The following NFIA variants were observed in gnomAD, a reference collection of about 807,000 sequenced individuals.
NFIA encodes nuclear factor 1 A-type.
A neutral mutation model predicts 62.8 loss-of-function variants in NFIA; 8 were observed. That is an observed-to-expected ratio of 0.13 (90% CI 0.07 to 0.23). NFIA has a LOEUF of 0.23. NFIA is among the 10% of genes least tolerant of loss of function. NFIA has a pLI of 1.00. For missense variants in NFIA, 410 were observed against 642.1 expected (o/e 0.64, Z 3.91); for synonymous variants, 235 against 238.1 (o/e 0.99, Z 0.12).
chr1:61,215,605 A>G (rs2100609374), intron 2 of NFIA, among the ~76,000 whole-genome samples: 1 of 152,358 alleles, frequency 6.6e-6, no homozygotes, highest in South Asian at 2.1e-4. Flanking sequence ...TTTCATCATC[A>G]TTGTAGAAGT....
chr1:61,446,560 GGCTTGAGCGT>G (rs1179269956), intron 10 of NFIA, among the ~76,000 whole-genome samples: 2 of 152,152 alleles, frequency 1.3e-5, no homozygotes, highest in Non-Finnish European at 2.9e-5. Flanking sequence ...CCTGTGCCAG[GGCTTGAGCGT>G]GGAAGTGCCT....
At chr1:61,207,146 G>C (rs904376205) in intron 2 of NFIA, among the ~76,000 whole-genome samples, 1 of 152,008 alleles carries the variant, frequency 6.6e-6, no homozygotes, top group African/African-American at 2.4e-5. Flanking sequence ...AGCTGTGATG[G>C]GTTAGAAAAT....
intron 3 of NFIA, among the ~76,000 whole-genome samples, chr1:61,329,767 C>G (rs933382828): frequency 6.6e-6 from 1 of 152,138 alleles, no homozygotes; most frequent in African/African-American, 2.4e-5. Flanking sequence ...AGTAGGTACT[C>G]CGTAGACATT....
intron 8 of NFIA, among the ~76,000 whole-genome samples, chr1:61,405,615 C>G (rs1196417107): frequency 6.6e-6 from 1 of 152,146 alleles, no homozygotes; most frequent in East Asian, 1.9e-4. Flanking sequence ...AAAAACTGAG[C>G]TGATCACCAG....
chr1:61,234,104 A>C (rs1654837245), intron 2 of NFIA, among the ~76,000 whole-genome samples: 1 of 151,934 alleles, frequency 6.6e-6, no homozygotes, highest in South Asian at 2.1e-4. Flanking sequence ...GCGGTGGCTC[A>C]CACTTGTAAT....
chr1:61,268,174 T>G (rs1270013735), intron 2 of NFIA, among the ~76,000 whole-genome samples: 1 of 152,166 alleles, frequency 6.6e-6, no homozygotes, highest in African/African-American at 2.4e-5. Flanking sequence ...CTCAAATGCT[T>G]CAAGGGGAAA....
chr1:61,201,599 A>G (rs947223049), intron 2 of NFIA, among the ~76,000 whole-genome samples: 5 of 152,002 alleles, frequency 3.3e-5, no homozygotes, highest in Admixed American at 2.6e-4. Flanking sequence ...TGTTTAATGT[A>G]ACATCAGTTG....
At chr1:61,371,477 AT>A (rs1042789318) in intron 6 of NFIA, among the ~76,000 whole-genome samples, 22 of 152,208 alleles carry the variant, frequency 1.4e-4, no homozygotes, top group Non-Finnish European at 2.6e-4. Context: ...ATAAAAAAAA[AT>A]CTTTGTGACA....
At chr1:61,436,367 G>A (rs986441887) in intron 10 of NFIA, among the ~76,000 whole-genome samples, 1 of 152,156 alleles carries the variant, frequency 6.6e-6, no homozygotes, top group Non-Finnish European at 1.5e-5. Context: ...CTCAATACAG[G>A]TGGTGTTCTC....
chr1:61,139,543 A>G (rs1329270613), intron 2 of NFIA, among the ~76,000 whole-genome samples: 1 of 152,206 alleles, frequency 6.6e-6, no homozygotes, highest in African/African-American at 2.4e-5. Flanking sequence ...GCCGAAAGCT[A>G]GTCTGGGGAG....
intron 3 of NFIA, among the ~76,000 whole-genome samples, chr1:61,328,986 G>C (rs1661123195): frequency 6.6e-6 from 1 of 151,210 alleles, no homozygotes; most frequent in African/African-American, 2.4e-5. Flanking sequence ...GCCTTCCAAA[G>C]TGCTGGGATT....
intron 3 of NFIA, among the ~76,000 whole-genome samples, chr1:61,309,718 G>A (rs1395927073): frequency 2.6e-5 from 4 of 152,076 alleles, no homozygotes; most frequent in South Asian, 4.1e-4. Context: ...GTGAAACCCC[G>A]TCTCTACTAA....
intron 2 of NFIA, among the ~76,000 whole-genome samples, chr1:61,136,846 A>G (rs1191435587): frequency 6.6e-6 from 1 of 152,148 alleles, no homozygotes; most frequent in Non-Finnish European, 1.5e-5. Flanking sequence ...TGTGAAATCC[A>G]ATTTCATCAT....
chr1:61,446,665 TTTCTGGCAAAAGGCCAGATC>T (rs1288475570), intron 10 of NFIA, among the ~76,000 whole-genome samples: 16 of 152,350 alleles, frequency 1.1e-4, no homozygotes, highest in African/African-American at 3.8e-4. Context: ...TGGGAATTCA[TTTCTGGCAAAAGGCCAGATC>T]TTCTGGCATA....
At chr1:61,327,540 A>G (rs1054309752) in intron 3 of NFIA, among the ~76,000 whole-genome samples, 3 of 152,116 alleles carry the variant, frequency 2.0e-5, no homozygotes, top group Admixed American at 2.0e-4. Flanking sequence ...GAGTTACTTC[A>G]CTTAGAATAA....
intron 2 of NFIA, among the ~76,000 whole-genome samples, chr1:61,096,906 A>G (rs1393564167): frequency 1.3e-5 from 2 of 152,078 alleles, no homozygotes; most frequent in African/African-American, 4.8e-5. Flanking sequence ...ACTCAACATA[A>G]TTTTTATAAT....
At chr1:61,200,791 G>A (rs1235256214) in intron 2 of NFIA, among the ~76,000 whole-genome samples, 1 of 152,104 alleles carries the variant, frequency 6.6e-6, no homozygotes, top group Non-Finnish European at 1.5e-5. Context: ...AAAACCTCCA[G>A]AAATTTTAAC....
chr1:61,142,577 A>T (rs903848305), intron 2 of NFIA, among the ~76,000 whole-genome samples: 7 of 152,194 alleles, frequency 4.6e-5, no homozygotes, highest in African/African-American at 1.7e-4. Context: ...TACCTTTCTA[A>T]GTCTTTTACA....
At chr1:61,369,079 G>T (rs547460108) in intron 6 of NFIA, among the ~76,000 whole-genome samples, 209 of 152,250 alleles carry the variant, frequency 1.4e-3, no homozygotes, top group Middle Eastern at 6.8e-3. Flanking sequence ...TGGTGCATCA[G>T]CCATTTCATC....
Sources: gnomAD v4.1 joint callset for allele counts (sites outside exome capture counted in the v4.1 genomes callset) on GRCh38, gnomAD v4.1.1 for gene constraint, MANE v1.5 for transcripts, NCBI Gene and HGNC (gene_info 2026-07-23, HGNC 2026-07-21) for gene names.